Variants in SORCS1 observed in about 807,000 individuals in gnomAD.
SORCS1 encodes sortilin related VPS10 domain containing receptor 1.
In SORCS1, 60 loss-of-function variants were observed where a neutral mutation model predicts 146.1. That is an observed-to-expected ratio of 0.41 (90% CI 0.33 to 0.51). The LOEUF is 0.51. Among genes scored for constraint, SORCS1 ranks in the 20% least tolerant of loss-of-function variants. The pLI is 0.21. For synonymous variants in SORCS1, 637 were observed against 584.0 expected (o/e 1.09, Z -1.31); for missense variants, 1,352 against 1,487.6 (o/e 0.91, Z 1.50).
At position 106,620,651 on chromosome 10, in the gene SORCS1, T is replaced by G. The variant is rs575596207; in HGVS notation, c.2663-90A>C. 1.1e-4 allele frequency: 167 copies of G among 1,461,460 alleles called. No homozygotes were observed. In the South Asian group the frequency reaches 2.3e-3, roughly 20 times the overall value. 90.5% of individuals were successfully genotyped at this position (1,461,460 alleles called of 1,614,324 possible). The stretch of plus-strand genomic sequence containing the variant: ...TCTGAAGAGATCACACATTTACTCT[T>G]GAAGCCCCCAAAACCTGGCTGCCAT... On this transcript the variant is annotated intron_variant, in intron 19 of 25. Transcript: ENST00000263054.
At chr10:106,646,469 G>C (rs933055845) in intron 18 of SORCS1, among the ~76,000 whole-genome samples, 9 of 152,050 alleles carry the variant, frequency 5.9e-5, no homozygotes, top group Admixed American at 2.6e-4. Context: ...GCCAAGGTGG[G>C]AGGATCACTT....
chr10:107,092,782 C>CTTTATATTT (rs2134320401), intron 1 of SORCS1, among the ~76,000 whole-genome samples: 1 of 148,416 alleles, frequency 6.7e-6, no homozygotes, highest in South Asian at 2.1e-4. Context: ...AAACAGAAGG[C>CTTTATATTT]TTTATATTTT....
At chr10:107,172,172 A>T in the SORCS1 span, among the ~76,000 whole-genome samples, 1 of 152,152 alleles carries the variant, frequency 6.6e-6, no homozygotes. Flanking sequence ...TCCATCTCTC[A>T]TCCAACTCAC....
Position 106,677,341 on chromosome 10 carries a change from G to A in SORCS1, c.1804C>T (p.His602Tyr), listed in dbSNP as rs779709731. 1 of 1,613,932 alleles carries A rather than the reference G, an allele frequency of 6.2e-7. No individual in the cohort carries two copies. Among genetic ancestry groups the A allele is most frequent in the Non-Finnish European group, 8.5e-7 (1 of 1,179,838 alleles). The stretch of plus-strand genomic sequence containing the variant: ...AGATGTCGAATTGGGAGAGATGTGT[G>A]TTTCATAGCAACCAGGACTCCACCT... ...DQGGVLVAMKHTSLPIRHLWL... is the reference protein window; with the variant it reads ...DQGGVLVAMKYTSLPIRHLWL... The change falls in exon 13 of 26, where the codon CAC becomes TAC. Residue 602 changes from histidine to tyrosine, a missense_variant. Around this residue, in one of 3 missense-constraint regions of SORCS1, gnomAD observed 648 missense variants for 793.8 expected, o/e 0.82. Transcript: ENST00000263054.
chr10:106,655,474 G>A (rs1386685614), intron 17 of SORCS1, among the ~76,000 whole-genome samples: 1 of 151,918 alleles, frequency 6.6e-6, no homozygotes, highest in Non-Finnish European at 1.5e-5. Context: ...TCTCTTGGTG[G>A]GCAGCTATAG....
chr10:106,986,977 T>C (rs1956505527), intron 1 of SORCS1, among the ~76,000 whole-genome samples: 1 of 152,224 alleles, frequency 6.6e-6, no homozygotes, highest in African/African-American at 2.4e-5. Flanking sequence ...GCTACTTTTT[T>C]CCTTGACAAT....
intron 13 of SORCS1, among the ~76,000 whole-genome samples, chr10:106,676,382 C>A (rs1024157970): frequency 9.9e-5 from 15 of 152,046 alleles, no homozygotes; most frequent in African/African-American, 3.4e-4. Context: ...GAGACTGGAG[C>A]AGAACTGTCA....
At chr10:106,940,547 CTG>C (rs1953987274) in intron 2 of SORCS1, among the ~76,000 whole-genome samples, 1 of 152,184 alleles carries the variant, frequency 6.6e-6, no homozygotes, top group South Asian at 2.1e-4. Flanking sequence ...AATTTATTCT[CTG>C]TGTGGCTTCT....
intron 3 of SORCS1, among the ~76,000 whole-genome samples, chr10:106,814,968 T>G (rs1202373190): frequency 6.6e-6 from 1 of 151,976 alleles, no homozygotes; most frequent in Non-Finnish European, 1.5e-5. Flanking sequence ...TTATTTATTT[T>G]TTAGTTTTTG....
intron 22 of SORCS1, among the ~76,000 whole-genome samples, chr10:106,611,148 G>T (rs191591101): frequency 6.6e-6 from 1 of 151,782 alleles, no homozygotes; most frequent in African/African-American, 2.4e-5. Context: ...TTCTCTAATT[G>T]CCAGTGACAT....
chr10:106,833,431 G>A (rs1044232024), intron 2 of SORCS1, among the ~76,000 whole-genome samples: 8 of 152,154 alleles, frequency 5.3e-5, no homozygotes, highest in Non-Finnish European at 1.2e-4. Context: ...AGTTTCATCG[G>A]TAGAACCAAC....
At chr10:106,800,376 T>C (rs1303741521) in intron 3 of SORCS1, among the ~76,000 whole-genome samples, 1 of 152,166 alleles carries the variant, frequency 6.6e-6, no homozygotes, top group Admixed American at 6.5e-5. Context: ...GGTTGATATC[T>C]CTGTTTAACA....
chr10:106,919,594 A>C (rs1952606781), intron 2 of SORCS1, among the ~76,000 whole-genome samples: 1 of 152,198 alleles, frequency 6.6e-6, no homozygotes, highest in African/African-American at 2.4e-5. Flanking sequence ...GCATGAAGTG[A>C]AAAAAATGGA....
intron 3 of SORCS1, among the ~76,000 whole-genome samples, chr10:106,819,140 C>T (rs1372136116): frequency 1.3e-5 from 2 of 152,184 alleles, no homozygotes; most frequent in East Asian, 1.9e-4. Context: ...ATGAGACTAA[C>T]ATTTGTTGAA....
chr10:107,065,510 C>CTCCTCCCTT (rs71025577), intron 1 of SORCS1, among the ~76,000 whole-genome samples: 1 of 86,360 alleles, frequency 1.2e-5, no homozygotes, highest in Non-Finnish European at 2.3e-5. Flanking sequence ...CTCCTCTCCT[C>CTCCTCCCTT]TCTTTCTTTC....
At chr10:107,085,595 G>C (rs1963694612) in intron 1 of SORCS1, among the ~76,000 whole-genome samples, 1 of 151,966 alleles carries the variant, frequency 6.6e-6, no homozygotes. Flanking sequence ...AAGACATATG[G>C]GATAAAAAAA....
intron 19 of SORCS1, among the ~76,000 whole-genome samples, chr10:106,625,554 C>T (rs1848054019): frequency 6.6e-6 from 1 of 152,124 alleles, no homozygotes; most frequent in Non-Finnish European, 1.5e-5. Context: ...GGGCAGGTGG[C>T]TCATTAAGCC....
chr10:106,988,577 C>T (rs1255811635), intron 1 of SORCS1, among the ~76,000 whole-genome samples: 2 of 151,832 alleles, frequency 1.3e-5, no homozygotes, highest in Admixed American at 6.6e-5. Flanking sequence ...AGAAGGTCAC[C>T]TTTTAAGGCT....
intron 10 of SORCS1, among the ~76,000 whole-genome samples, chr10:106,681,926 G>A (rs1277406734): frequency 2.6e-5 from 4 of 152,052 alleles, no homozygotes; most frequent in African/African-American, 7.2e-5. Flanking sequence ...TCAGGAGTTC[G>A]AGACCAACCT....
Sources: gnomAD v4.1 joint callset for allele counts (sites outside exome capture counted in the v4.1 genomes callset) on GRCh38, gnomAD v4.1.1 for gene constraint, gnomAD v4.1.1 regional missense constraint, MANE v1.5 for transcripts, NCBI Gene and HGNC (gene_info 2026-07-23, HGNC 2026-07-21) for gene names.